Variants in HS3ST5 observed in about 807,000 individuals in gnomAD.
HS3ST5 encodes the protein heparan sulfate-glucosamine 3-sulfotransferase 5, also known as heparan sulfate glucosamine 3-O-sulfotransferase 5.
Under a neutral mutation model 25.4 loss-of-function variants are expected in HS3ST5, and 10 were observed. That is an observed-to-expected ratio of 0.39 (90% CI 0.24 to 0.67). The LOEUF (loss-of-function observed/expected upper bound fraction) is 0.67. HS3ST5 is among the 30% of genes least tolerant of loss of function. HS3ST5 has a pLI of 0.44. For synonymous variants in HS3ST5, 170 were observed against 162.4 expected (o/e 1.05, Z -0.36); for missense variants, 324 against 420.7 (o/e 0.77, Z 2.01).
intron 3 of HS3ST5, among the ~76,000 whole-genome samples, chr6:114,140,809 A>G (rs2114932675): frequency 6.6e-6 from 1 of 152,362 alleles, no homozygotes; most frequent in Middle Eastern, 3.4e-3. Context: ...TACAGGGCAG[A>G]GGCAAAGGCA....
chr6:114,146,792 A>C (rs1422126669), intron 3 of HS3ST5, among the ~76,000 whole-genome samples: 3 of 150,630 alleles, frequency 2.0e-5, no homozygotes, highest in Non-Finnish European at 4.4e-5. Context: ...CCATTCCCTC[A>C]CTCCTGCTTC....
intron 3 of HS3ST5, among the ~76,000 whole-genome samples, chr6:114,140,655 C>T (rs990819272): frequency 6.6e-6 from 1 of 152,210 alleles, no homozygotes; most frequent in Non-Finnish European, 1.5e-5. Context: ...ATGTTCAGAT[C>T]TGCTCCAACG....
chr6:114,302,168 G>A (rs1775103755), intron 1 of HS3ST5, among the ~76,000 whole-genome samples: 1 of 152,150 alleles, frequency 6.6e-6, no homozygotes. Flanking sequence ...CATTTTATGT[G>A]TGATGACCCT....
chr6:114,092,323 G>A (rs1369990871), intron 3 of HS3ST5, among the ~76,000 whole-genome samples: 2 of 152,192 alleles, frequency 1.3e-5, no homozygotes, highest in Non-Finnish European at 2.9e-5. Context: ...GAATGAAGCG[G>A]GGCCTTGAAA....
intron 2 of HS3ST5, among the ~76,000 whole-genome samples, chr6:114,226,984 A>C (rs190451917): frequency 1.2e-4 from 19 of 152,100 alleles, no homozygotes; most frequent in Non-Finnish European, 2.1e-4. Flanking sequence ...ATGAAATTTT[A>C]TTTGGAGATT....
chr6:114,215,114 G>C (rs181977064), intron 2 of HS3ST5, among the ~76,000 whole-genome samples: 1 of 152,158 alleles, frequency 6.6e-6, no homozygotes, highest in African/African-American at 2.4e-5. Flanking sequence ...GACCATCCTG[G>C]CTAACATGGT....
chr6:114,172,129 G>A (rs1291892165), intron 2 of HS3ST5, among the ~76,000 whole-genome samples: 1 of 152,146 alleles, frequency 6.6e-6, no homozygotes, highest in African/African-American at 2.4e-5. Context: ...AGGCTATAAA[G>A]CTGTAAAATC....
intron 1 of HS3ST5, among the ~76,000 whole-genome samples, chr6:114,291,021 C>A (rs2114774290): frequency 6.6e-6 from 1 of 152,180 alleles, no homozygotes; most frequent in Middle Eastern, 3.4e-3. Flanking sequence ...TACTCAGTCT[C>A]TTTCTAGGTA....
At chr6:114,338,305 C>T (rs967566048) in intron 1 of HS3ST5, among the ~76,000 whole-genome samples, 4 of 151,270 alleles carry the variant, frequency 2.6e-5, no homozygotes, top group Admixed American at 6.6e-5. Flanking sequence ...TATACATACA[C>T]ATTGTGTATA....
intron 1 of HS3ST5, among the ~76,000 whole-genome samples, chr6:114,276,233 G>C (rs1464886465): frequency 6.6e-6 from 1 of 151,782 alleles, no homozygotes; most frequent in African/African-American, 2.4e-5. Context: ...CAAGGTGAGA[G>C]AGCTGGGATT....
chr6:114,165,032 C>G (rs1423334811), intron 3 of HS3ST5, among the ~76,000 whole-genome samples: 1 of 152,134 alleles, frequency 6.6e-6, no homozygotes, highest in Non-Finnish European at 1.5e-5. Flanking sequence ...TGGGCTGTAT[C>G]CCATTGAGGT....
intron 3 of HS3ST5, among the ~76,000 whole-genome samples, chr6:114,092,349 A>C (rs1246451698): frequency 6.6e-6 from 1 of 152,180 alleles, no homozygotes; most frequent in African/African-American, 2.4e-5. Flanking sequence ...TGTAATCTCA[A>C]GTGTAGGCTG....
chr6:114,302,988 A>G (rs1054043056), intron 1 of HS3ST5, among the ~76,000 whole-genome samples: 1 of 152,112 alleles, frequency 6.6e-6, no homozygotes, highest in African/African-American at 2.4e-5. Context: ...GCTCCTGGAA[A>G]CTCAAAAAAG....
chr6:114,093,570 T>C (rs1775256702), intron 3 of HS3ST5, among the ~76,000 whole-genome samples: 1 of 152,132 alleles, frequency 6.6e-6, no homozygotes, highest in Non-Finnish European at 1.5e-5. Context: ...CTTTGCCTTC[T>C]GAGTTCTGTT....
intron 1 of HS3ST5, among the ~76,000 whole-genome samples, chr6:114,273,571 G>A (rs1489399812): frequency 6.6e-6 from 1 of 152,018 alleles, no homozygotes; most frequent in Non-Finnish European, 1.5e-5. Context: ...GACATGAGGA[G>A]AAATAAACAA....
chr6:114,307,488 T>C (rs867679367), intron 1 of HS3ST5, among the ~76,000 whole-genome samples: 25 of 152,160 alleles, frequency 1.6e-4, no homozygotes, highest in East Asian at 1.4e-3. Flanking sequence ...CAATTTCATA[T>C]AGAAACTAGG....
intron 3 of HS3ST5, among the ~76,000 whole-genome samples, chr6:114,121,199 G>A (rs377588161): frequency 6.6e-6 from 1 of 152,186 alleles, no homozygotes; most frequent in African/African-American, 2.4e-5. Context: ...TTGTATCACT[G>A]TTCTGACCCA....
chr6:114,100,403 A>G (rs2114819071), intron 3 of HS3ST5, among the ~76,000 whole-genome samples: 1 of 152,288 alleles, frequency 6.6e-6, no homozygotes, highest in Non-Finnish European at 1.5e-5. Context: ...GAGCAGTAGT[A>G]TGGCTAGCAG....
rs1774636673 is a variant in HS3ST5 at position 114,084,188 on chromosome 6, C to T, written c.-32-21311G>A. On this transcript the variant is annotated intron_variant, in intron 3 of 4. Transcript: ENST00000312719. ...ACAGCTTAAGACCATTAAGTGGTTG[C>T]TCCTATCCATTCAGTGGCCTGAGCA... 28 of 1,025,768 alleles carry T rather than the reference C, an allele frequency of 2.7e-5. No individual in the cohort carries two copies. In the South Asian group the frequency reaches 3.3e-4, roughly 12 times the overall value. 63.5% of individuals were successfully genotyped at this position (1,025,768 alleles called of 1,614,324 possible). A position where few individuals can be genotyped will look rare whatever the true frequency, so the allele number is the denominator to read the frequency against.
Sources: allele counts gnomAD v4.1 joint callset (sites outside exome capture counted in the v4.1 genomes callset), GRCh38; gene constraint gnomAD v4.1.1; transcripts MANE v1.5; gene names NCBI Gene and HGNC (gene_info 2026-07-23, HGNC 2026-07-21).